CNNM3: variants seen among roughly 807,000 people sequenced by gnomAD.
The protein encoded by CNNM3 is metal transporter CNNM3.
A neutral mutation model predicts 57.1 loss-of-function variants in CNNM3; 47 were observed. The observed-to-expected ratio is 0.82, with a 90% CI of 0.65 to 1.05. The LOEUF (loss-of-function observed/expected upper bound fraction) is 1.05, where lower values mean the gene tolerates loss of function less well. CNNM3 is among the 50% of genes least tolerant of loss of function. The pLI, the probability that CNNM3 is intolerant of heterozygous loss-of-function variation, is 0.00. For missense variants in CNNM3, 957 were observed against 973.7 expected (o/e 0.98, Z 0.23); for synonymous variants, 507 against 478.2 (o/e 1.06, Z -0.79).
intron 6 of CNNM3, 96 bp from the exon 7 acceptor site, chr2:96,828,900 G>C: frequency 6.4e-7 from 1 of 1,553,330 alleles, no homozygotes; most frequent in South Asian, 1.2e-5. Flanking sequence ...GCTTAAAGTT[G>C]TGCCTCTGTC....
In CNNM3 at chr2:96,833,261, TGA is replaced by T. The variant is rs1353182953; in HGVS notation, c.*649_*650del. The T allele has an allele frequency of 5.8e-6, 2 of 343,310 alleles. No homozygotes were observed. Among genetic ancestry groups the T allele is most frequent in the Admixed American group, 4.0e-5 (1 of 25,250 alleles). 21.3% of individuals were successfully genotyped at this position (343,310 alleles called of 1,614,324 possible). ...TCCCTGGAGGCTGCTCTTCTGATTC[TGA>T]GAGCTGGCCTAGTGGTGCTGAGGGC... On this transcript the variant is annotated 3_prime_UTR_variant, in exon 8 of 8. Transcript: ENST00000305510.
chr2:96,817,552 C>T, intron 1 of CNNM3, 50 bp downstream of exon 1: 2 of 1,542,780 alleles, frequency 1.3e-6, no homozygotes, highest in South Asian at 1.2e-5. Flanking sequence ...TGCCCTCTCC[C>T]TGAAAAGGGG....
chr2:96,822,385 T>G (rs1375564324), intron 1 of CNNM3, among the ~76,000 whole-genome samples: 1 of 152,138 alleles, frequency 6.6e-6, no homozygotes, highest in Admixed American at 6.5e-5. Context: ...CGTGGCTCAC[T>G]GTAGCCTCTA....
rs2079392173 is a variant in CNNM3, at chr2:96,820,707, T to C, written c.1225+3205T>C. Among the ~76,000 whole-genome samples the C allele has an allele frequency of 2.6e-5, 4 of 152,184 alleles. No homozygotes were observed. The South Asian group carries it at 8.3e-4, about 32-fold the overall frequency. On this transcript the variant is annotated intron_variant, in intron 1 of 7. Coordinates refer to ENST00000305510, the MANE Select transcript of CNNM3 (RefSeq NM_017623.5). ...TTTGGTGCCACGGCAAGGGAGCCAT[T>C]TGGGGAATGAATGAGGTGTGGAAAG...
downstream of CNNM3, among the ~76,000 whole-genome samples, chr2:96,835,805 A>G (rs923578189): frequency 1.3e-5 from 2 of 152,060 alleles, no homozygotes; most frequent in Non-Finnish European, 1.5e-5. Context: ...GCAACCTAGG[A>G]TGATCAGTTT....
At position 96,834,387 on chromosome 2, in the gene CNNM3, C is replaced by G. The variant is rs1373592887; in HGVS notation, c.*1771C>G. Among the ~76,000 whole-genome samples the G allele has an allele frequency of 1.3e-5, 2 of 151,322 alleles. No homozygotes were observed. Among genetic ancestry groups the G allele is most frequent in the African/African-American group, 4.9e-5 (2 of 41,146 alleles). On this transcript the variant is annotated 3_prime_UTR_variant, in exon 8 of 8. Transcript: ENST00000305510. ...TGAGACAAGATCTTGCTCTGTCGCC[C>G]AGACTGGAGTGCAGTGGTGTGATCA...
intron 7 of CNNM3, chr2:96,831,854 C>G (rs2079608958): frequency 2.3e-6 from 1 of 437,370 alleles, no homozygotes; most frequent in Non-Finnish European, 3.0e-6. Context: ...CCAGCTCTCC[C>G]TCAGCTTCCC....
In CNNM3 at chr2:96,817,037, C is replaced by T; in HGVS notation, c.760C>T (p.Arg254Ter). The stretch of plus-strand genomic sequence containing the variant: ...GCGCTGGACGCTGGCGCTGGCGCCG[C>T]GAGCGCTCGGCCTCAGCCGCCTGGC... Reference protein sequence around the residue: ...SGRWTLALAPRALGLSRLAVL... With the variant: ...SGRWTLALAP The change falls in exon 1 of 8, where the codon CGA (arginine) becomes TGA (stop). Residue 254 changes from arginine (R) to a stop codon, truncating the protein, a stop_gained. Coordinates refer to ENST00000305510, the MANE Select transcript of CNNM3 (RefSeq NM_017623.5). LOFTEE classifies it high-confidence loss of function. 3 of 1,369,462 alleles carry T rather than the reference C, an allele frequency of 2.2e-6. No individual in the cohort carries two copies. Among genetic ancestry groups the T allele is most frequent in the Admixed American group, 3.1e-5 (1 of 32,624 alleles). 84.8% of individuals were successfully genotyped at this position (1,369,462 alleles called of 1,614,324 possible). A position where few individuals can be genotyped will look rare whatever the true frequency, so the allele number is the denominator to read the frequency against.
chr2:96,825,034 TC>T (rs1329655761), intron 1 of CNNM3, 23 bp from the exon 2 acceptor site: 2 of 1,611,616 alleles, frequency 1.2e-6, no homozygotes, highest in Non-Finnish European at 1.7e-6. Context: ...AGCAAGCTGT[TC>T]CATGAGTGTC....
chr2:96,836,325 C>T (rs2079691295), downstream of CNNM3, among the ~76,000 whole-genome samples: 1 of 151,424 alleles, frequency 6.6e-6, no homozygotes, highest in African/African-American at 2.4e-5. Context: ...TCACTGCAAC[C>T]TCCGCCTCCC....
chr2:96,828,698 A>G lies in CNNM3; in HGVS notation c.1918A>G (p.Lys640Glu). Residue 640 changes from lysine (K) to glutamate (E), a missense_variant and splice_region_variant, in exon 6 of 8, where the codon AAG becomes GAG. Coordinates refer to ENST00000305510, the MANE Select transcript of CNNM3 (RefSeq NM_017623.5). ...VRALSDLQLI[K>E]VTRLQYLNAL... ...GGCGCTCTCTGATCTGCAGCTCATC[A>G]AGGTGACTGCCTGGGCTGCTTGTGG... The G allele has an allele frequency of 6.2e-7, 1 of 1,614,116 alleles. No individual in the cohort carries two copies. The highest frequency in any genetic ancestry group is 8.5e-7 in the Non-Finnish European group (1 of 1,180,002).
chr2:96,830,769 C>G (rs978631665), intron 7 of CNNM3, among the ~76,000 whole-genome samples: 1 of 152,142 alleles, frequency 6.6e-6, no homozygotes, highest in Non-Finnish European at 1.5e-5. Flanking sequence ...CTCAAGTGAT[C>G]CTCCTGCCTC....
chr2:96,831,312 C>T (rs577042269), intron 7 of CNNM3, among the ~76,000 whole-genome samples: 17 of 152,306 alleles, frequency 1.1e-4, no homozygotes, highest in South Asian at 6.2e-4. Context: ...TCCGGAGGAG[C>T]GTAGGGCCGC....
intron 2 of CNNM3, among the ~76,000 whole-genome samples, chr2:96,825,631 A>C (rs1352206568): frequency 2.7e-5 from 4 of 150,852 alleles, no homozygotes; most frequent in Non-Finnish European, 5.9e-5. Flanking sequence ...GGCTGGGCGC[A>C]GTGGCTCACG....
intron 7 of CNNM3, among the ~76,000 whole-genome samples, chr2:96,829,458 G>A (rs1055024239): frequency 6.6e-6 from 1 of 151,282 alleles, no homozygotes; most frequent in Non-Finnish European, 1.5e-5. Flanking sequence ...CCACGACCAC[G>A]CCTGGCCAAT....
chr2:96,823,201 C>T (rs2079437209), intron 1 of CNNM3, among the ~76,000 whole-genome samples: 1 of 152,168 alleles, frequency 6.6e-6, no homozygotes, highest in Non-Finnish European at 1.5e-5. Flanking sequence ...TGTGGCAGGC[C>T]ATGGAGAATT....
Position 96,828,562 on chromosome 2 carries a change from G to C in CNNM3, c.1787-5G>C. 3 of 1,614,150 alleles carry C rather than the reference G, an allele frequency of 1.9e-6. No homozygotes were observed. The highest frequency in any genetic ancestry group is 2.5e-6 in the Non-Finnish European group (3 of 1,180,026). ...TCCTGCCATCACTGATTGTTCCTTT[G>C]ATAGTTCACCAGTCCCCGGTGTCCT... On this transcript the variant is annotated splice_polypyrimidine_tract_variant and splice_region_variant and intron_variant, in intron 5 of 7. Transcript: ENST00000305510.
chr2:96,824,957 A>G lies in CNNM3; in HGVS notation c.1226-101A>G, dbSNP rs2079473279. ...TCTGTGCCTGGCACGTTGTAGGAGC[A>G]TGAACGTTAGCCGTGTCCTTTTGGT... On this transcript the variant is annotated intron_variant, in intron 1 of 7. Coordinates refer to ENST00000305510, the MANE Select transcript of CNNM3 (RefSeq NM_017623.5). 1.0e-5 allele frequency: 14 copies of G among 1,354,006 alleles called. No individual in the cohort carries two copies. The South Asian group carries it at 1.4e-4, about 14-fold the overall frequency. The allele number at this position is 1,354,006 out of a possible 1,614,324, so 83.9% of individuals were successfully genotyped here. A position where few individuals can be genotyped will look rare whatever the true frequency, so the allele number is the denominator to read the frequency against.
chr2:96,825,036 C>G (rs1240017923), intron 1 of CNNM3, 22 bp from the exon 2 acceptor site: 1 of 1,611,694 alleles, frequency 6.2e-7, no homozygotes, highest in Non-Finnish European at 8.5e-7. Context: ...CAAGCTGTTC[C>G]ATGAGTGTCC....
Sources: allele counts gnomAD v4.1 joint callset (sites outside exome capture counted in the v4.1 genomes callset), GRCh38; gene constraint gnomAD v4.1.1; transcripts MANE v1.5; gene names NCBI Gene and HGNC (gene_info 2026-07-23, HGNC 2026-07-21).